Variants in COL9A1 observed in about 807,000 individuals in gnomAD.
The protein encoded by COL9A1 is collagen alpha-1(IX) chain.
COL9A1 carries 104 observed loss-of-function variants against 142.6 expected under a neutral mutation model. The observed-to-expected ratio is 0.73, with a 90% CI of 0.62 to 0.86. The LOEUF is 0.86. Ranked by LOEUF, COL9A1 falls within the 40% of genes least tolerant of loss-of-function variation. The probability of loss-of-function intolerance (pLI) is 0.00; values close to 1 mark genes in which losing one functional copy is unlikely to be tolerated. For missense variants in COL9A1, 1,210 were observed against 1,176.6 expected (o/e 1.03, Z -0.42); for synonymous variants, 466 against 396.0 (o/e 1.18, Z -2.10).
At chr6:70,274,171 C>T (rs1448780821) in intron 11 of COL9A1, 89 bp from the exon 12 acceptor site, 2 of 1,060,662 alleles carry the variant, frequency 1.9e-6, no homozygotes, top group Non-Finnish European at 2.8e-6. Context: ...AGCATTAAAA[C>T]ACCCCATTAT....
intron 28 of COL9A1, among the ~76,000 whole-genome samples, chr6:70,243,671 G>A (rs978430677): frequency 2.0e-5 from 3 of 152,148 alleles, no homozygotes; most frequent in Non-Finnish European, 4.4e-5. Flanking sequence ...GGGAGTACAG[G>A]TGCATGCCAC....
chr6:70,234,917 G>T lies in COL9A1; in HGVS notation c.2136C>A (p.Gly712=). 1 of 1,614,120 alleles carries T rather than the reference G, an allele frequency of 6.2e-7. No individual in the cohort carries two copies. The highest frequency in any genetic ancestry group is 8.5e-7 in the Non-Finnish European group (1 of 1,180,008). Residue 712 remains glycine, a synonymous_variant, in exon 34 of 38, where the codon GGC becomes GGA. Coordinates refer to ENST00000357250, the MANE Select transcript of COL9A1 (RefSeq NM_001851.6). ...KGSAGNPGEP[G]LRGPEGSRGL... The stretch of plus-strand genomic sequence containing the variant: ...CCCGACTTCCCTCAGGCCCTCTCAA[G>T]CCAGGTTCCCCAGGATTACCTGCCT...
chr6:70,280,449 C>G (rs1012496156), intron 10 of COL9A1: 40 of 1,222,540 alleles, frequency 3.3e-5, no homozygotes, highest in Non-Finnish European at 4.1e-5. Flanking sequence ...GGGCTCACAG[C>G]AGGTAAGCCG....
At chr6:70,294,592 G>A (rs758430385) in intron 4 of COL9A1, 29 bp from the exon 5 acceptor site, 1 of 1,608,450 alleles carries the variant, frequency 6.2e-7, no homozygotes. Context: ...TAGTAAACAT[G>A]CATCTTGTTT....
intron 37 of COL9A1, among the ~76,000 whole-genome samples, chr6:70,223,848 C>T (rs907233474): frequency 2.6e-5 from 4 of 151,942 alleles, no homozygotes; most frequent in African/African-American, 7.3e-5. Context: ...GGAAGGTTAC[C>T]GAGGTTGAGA....
intron 18 of COL9A1, among the ~76,000 whole-genome samples, chr6:70,266,047 G>C (rs560156545): frequency 6.6e-6 from 1 of 152,246 alleles, no homozygotes; most frequent in East Asian, 1.9e-4. Flanking sequence ...TACTATGCAG[G>C]AAGTCAAATT....
At chr6:70,255,250 T>C in intron 22 of COL9A1, 47 bp from the exon 23 acceptor site, 1 of 1,611,306 alleles carries the variant, frequency 6.2e-7, no homozygotes, top group Non-Finnish European at 8.5e-7. Flanking sequence ...TCAGTTAACA[T>C]AATACTTAGA....
intron 37 of COL9A1, among the ~76,000 whole-genome samples, chr6:70,223,870 G>A (rs1769054345): frequency 6.6e-6 from 1 of 152,124 alleles, no homozygotes; most frequent in South Asian, 2.1e-4. Context: ...ATAGAAACCA[G>A]GACAAGGAAA....
At chr6:70,301,449 T>C (rs913772960) in intron 2 of COL9A1, among the ~76,000 whole-genome samples, 3 of 152,112 alleles carry the variant, frequency 2.0e-5, no homozygotes, top group Admixed American at 6.5e-5. Context: ...TGCTGGCACA[T>C]GCCTGTAGTC....
chr6:70,253,446 A>G lies in COL9A1; in HGVS notation c.1720-17T>C. ...AGGTACACCCTAAAAGAATACATAC[A>G]CAATCCTAGTTTAATCACCTCCTCT... On this transcript the variant is annotated splice_polypyrimidine_tract_variant and intron_variant, in intron 25 of 37. Transcript: ENST00000357250. 6.3e-7 allele frequency: 1 copy of G among 1,593,738 alleles called. No individual in the cohort carries two copies. The highest frequency in any genetic ancestry group is 1.1e-5 in the South Asian group (1 of 90,370).
At position 70,273,893 on chromosome 6, in the gene COL9A1, G is replaced by A. The variant is rs143010593; in HGVS notation, c.1065+154C>T. 28 of 334,460 alleles carry A rather than the reference G, an allele frequency of 8.4e-5. No individual in the cohort carries two copies. In the Middle Eastern group the frequency reaches 3.2e-3, roughly 38 times the overall value. The allele number at this position is 334,460 out of a possible 1,614,324, so 20.7% of individuals were successfully genotyped here. On this transcript the variant is annotated intron_variant, in intron 12 of 37. Transcript: ENST00000357250. Reference sequence around the variant, plus strand: ...CAGATGTCATCAACTTATTTCTCATGTATATTATGCAGAAAACTGCACATG... The same window carrying A: ...CAGATGTCATCAACTTATTTCTCATATATATTATGCAGAAAACTGCACATG...
Position 70,300,321 on chromosome 6 carries a change from C to G in COL9A1, c.154G>C (p.Asp52His), listed in dbSNP as rs1431247453. 1.2e-6 allele frequency: 2 copies of G among 1,613,594 alleles called. No individual in the cohort carries two copies. The highest frequency in any genetic ancestry group is 4.5e-5 in the East Asian group (2 of 44,850). ...CATTGCTACTCACCTGGTAAGTCAT[C>G]TTGGCCAATCCTGATCTTTGGACAG... ...ELCPKIRIGQ[D>H]DLPGFDLISQ... The change falls in exon 3 of 38, where the codon GAT (aspartate) becomes CAT (histidine). Residue 52 changes from aspartate to histidine, a missense_variant. Asp to His is a moderately conservative substitution (Grantham distance 81). Transcript: ENST00000357250.
chr6:70,269,230 A>C (rs1772237068), intron 16 of COL9A1, among the ~76,000 whole-genome samples: 2 of 152,140 alleles, frequency 1.3e-5, no homozygotes, highest in South Asian at 4.2e-4. Context: ...ATTCCACTAG[A>C]CTAGCCCCAT....
chr6:70,257,674 G>A (rs1771407106), intron 20 of COL9A1, among the ~76,000 whole-genome samples: 1 of 152,256 alleles, frequency 6.6e-6, no homozygotes, highest in South Asian at 2.1e-4. Flanking sequence ...TTGGGCCCGA[G>A]AGGAGGAGAT....
At chr6:70,268,175 C>T (rs1249035404) in intron 17 of COL9A1, among the ~76,000 whole-genome samples, 1 of 151,020 alleles carries the variant, frequency 6.6e-6, no homozygotes, top group Non-Finnish European at 1.5e-5. Flanking sequence ...GTACACAACC[C>T]CCTCCAACTG....
chr6:70,272,618 A>G (rs1167336427), intron 12 of COL9A1, among the ~76,000 whole-genome samples: 1 of 152,186 alleles, frequency 6.6e-6, no homozygotes, highest in Non-Finnish European at 1.5e-5. Flanking sequence ...TCCAGTAGAT[A>G]TTGAAAATAA....
Position 70,301,994 on chromosome 6 carries a change from C to T in COL9A1, c.88+7G>A. On this transcript the variant is annotated splice_region_variant and intron_variant, in intron 2 of 37. Coordinates refer to ENST00000357250, the MANE Select transcript of COL9A1 (RefSeq NM_001851.6). ...ATCTTTGAAAGTCTAGAAACTATGG[C>T]CCTTACTGGGGCGACGCTTGACAGC... 1.2e-6 allele frequency: 2 copies of T among 1,605,896 alleles called. No individual in the cohort carries two copies. Among genetic ancestry groups the T allele is most frequent in the Non-Finnish European group, 1.7e-6 (2 of 1,175,348 alleles).
At chr6:70,287,268 C>T (rs9446217) in intron 5 of COL9A1, among the ~76,000 whole-genome samples, 24,096 of 151,926 alleles carry the variant, frequency 0.16, 2,674 homozygotes, top group East Asian at 0.46. Context: ...GAGTAGACAT[C>T]CGATTTTTTT....
At chr6:70,237,113 T>G (rs6923114) in intron 33 of COL9A1, among the ~76,000 whole-genome samples, 33,816 of 152,038 alleles carry the variant, frequency 0.22, 4,320 homozygotes, top group Non-Finnish European at 0.29. Context: ...ATGAGCCACC[T>G]TGCCCTGCCA....
Sources: gnomAD v4.1 joint callset for allele counts (sites outside exome capture counted in the v4.1 genomes callset) on GRCh38, gnomAD v4.1.1 for gene constraint, MANE v1.5 for transcripts, NCBI Gene and HGNC (gene_info 2026-07-23, HGNC 2026-07-21) for gene names.